SEMA3D: variants seen among roughly 807,000 people sequenced by gnomAD.
SEMA3D encodes the protein semaphorin 3D, also known as semaphorin-3D.
Under a neutral mutation model 100.1 loss-of-function variants are expected in SEMA3D, and 84 were observed. That is an observed-to-expected ratio of 0.84 (90% CI 0.70 to 1.01). The LOEUF is 1.01. Ranked by LOEUF, SEMA3D falls within the 50% of genes least tolerant of loss-of-function variation. SEMA3D has a pLI of 0.00. For synonymous variants in SEMA3D, 312 were observed against 320.7 expected (o/e 0.97, Z 0.29); for missense variants, 875 against 934.1 (o/e 0.94, Z 0.82).
At chr7:85,126,905 T>C (rs917821084) in intron 2 of SEMA3D, among the ~76,000 whole-genome samples, 1 of 152,176 alleles carries the variant, frequency 6.6e-6, no homozygotes, top group African/African-American at 2.4e-5. Flanking sequence ...CTTGGAATGC[T>C]AGAACTTTCA....
chr7:85,019,144 C>T (rs1790186223), intron 14 of SEMA3D, among the ~76,000 whole-genome samples: 1 of 151,594 alleles, frequency 6.6e-6, no homozygotes, highest in Non-Finnish European at 1.5e-5. Context: ...TCAATTATAC[C>T]TCAATAAAGC....
chr7:85,166,510 T>C (rs116174456), intron 1 of SEMA3D, among the ~76,000 whole-genome samples: 1 of 151,996 alleles, frequency 6.6e-6, no homozygotes. Flanking sequence ...GAGGTATTAC[T>C]AAGGACCAGA....
chr7:85,238,488 T>C, the SEMA3D span, among the ~76,000 whole-genome samples: 1 of 152,190 alleles, frequency 6.6e-6, no homozygotes, highest in Non-Finnish European at 1.5e-5. Flanking sequence ...CTTTGCTCTT[T>C]CGTCAAAAAT....
At chr7:85,204,219 T>C in the SEMA3D span, among the ~76,000 whole-genome samples, 7 of 152,220 alleles carry the variant, frequency 4.6e-5, no homozygotes, top group East Asian at 1.2e-3. Context: ...TAATTGACCT[T>C]TTCTGCCTTA....
intron 9 of SEMA3D, among the ~76,000 whole-genome samples, chr7:85,048,916 T>G (rs146549328): frequency 5.0e-4 from 76 of 151,894 alleles, no homozygotes; most frequent in African/African-American, 1.8e-3. Context: ...TTTGGCAACT[T>G]AAATTATAAG....
chr7:85,101,847 G>A (rs1426959358), intron 3 of SEMA3D, among the ~76,000 whole-genome samples: 7 of 151,858 alleles, frequency 4.6e-5, no homozygotes, highest in Admixed American at 3.3e-4. Context: ...ACTCTACTTT[G>A]GGCCAAATAA....
chr7:85,059,426 T>C (rs191461513), intron 8 of SEMA3D, among the ~76,000 whole-genome samples: 183 of 152,304 alleles, frequency 1.2e-3, no homozygotes, highest in African/African-American at 4.2e-3. Flanking sequence ...TTCACAAATA[T>C]GTGGGATTAC....
At chr7:85,248,623 C>A in the SEMA3D span, among the ~76,000 whole-genome samples, 1 of 151,992 alleles carries the variant, frequency 6.6e-6, no homozygotes. Context: ...TACATCTAGA[C>A]AATGGAATAT....
At position 85,042,468 on chromosome 7, in the gene SEMA3D, G is replaced by A. The variant is rs55959828; in HGVS notation, c.862-183C>T. Among the ~76,000 whole-genome samples, 344 of 152,094 alleles carry A rather than the reference G, an allele frequency of 2.3e-3. 1 individual carries two copies. The highest frequency in any genetic ancestry group is 7.6e-3 in the African/African-American group (317 of 41,502). On this transcript the variant is annotated intron_variant, in intron 9 of 18. Transcript: ENST00000284136. ...ACAGTATTAGCCCTCAATATTAAATGTTTTTCTCATAGTTAAATGAATTAA... is the reference window on the plus strand; with the variant it reads ...ACAGTATTAGCCCTCAATATTAAATATTTTTCTCATAGTTAAATGAATTAA...
At position 85,097,885 on chromosome 7, in the gene SEMA3D, C is replaced by T. The variant is rs1184618629; in HGVS notation, c.232G>A (p.Glu78Lys). The T allele has an allele frequency of 1.2e-6, 2 of 1,609,368 alleles. No individual in the cohort carries two copies. The highest frequency in any genetic ancestry group is 1.3e-5 in the African/African-American group (1 of 74,632). Residue 78 changes from glutamate (E) to lysine (K), a missense_variant, in exon 4 of 19, where the codon GAA (glutamate) becomes AAA (lysine). Physicochemically the swap from Glu to Lys is moderately conservative, Grantham distance 56. Coordinates refer to ENST00000284136, the MANE Select transcript of SEMA3D (RefSeq NM_001384900.1). ...LDFQTLLLDE[E>K]RGRLLLGAKD... Reference sequence around the variant, plus strand: ...GCTCCCAAGAGCAGCCTGCCTCTTTCCTCATCTAAGAGAAGAGTTTGAAAA... The same window carrying T: ...GCTCCCAAGAGCAGCCTGCCTCTTTTCTCATCTAAGAGAAGAGTTTGAAAA...
chr7:85,144,405 T>C, intron 2 of SEMA3D: 1 of 944,898 alleles, frequency 1.1e-6, no homozygotes, highest in Non-Finnish European at 1.3e-6. Flanking sequence ...AAGCTAGCTT[T>C]GAAACTAAAG....
chr7:85,068,082 G>T, intron 7 of SEMA3D, 109 bp downstream of exon 7: 1 of 669,756 alleles, frequency 1.5e-6, no homozygotes, highest in East Asian at 2.7e-5. Flanking sequence ...AATCGCTTGT[G>T]GAAGATTAGT....
chr7:85,248,846 C>T, the SEMA3D span, among the ~76,000 whole-genome samples: 1 of 151,892 alleles, frequency 6.6e-6, no homozygotes, highest in Admixed American at 6.6e-5. Context: ...GATGAATAGG[C>T]AGGGCATAGA....
chr7:85,025,059 C>G (rs1790355535), intron 12 of SEMA3D, among the ~76,000 whole-genome samples: 2 of 151,988 alleles, frequency 1.3e-5, no homozygotes, highest in Non-Finnish European at 2.9e-5. Flanking sequence ...AGCTATACAT[C>G]TCAGGTATTA....
At chr7:85,129,019 G>A (rs1335878531) in intron 2 of SEMA3D, among the ~76,000 whole-genome samples, 2 of 151,400 alleles carry the variant, frequency 1.3e-5, no homozygotes, top group Non-Finnish European at 2.9e-5. Flanking sequence ...GGCTTCCTGA[G>A]GAGCTGGGAT....
chr7:85,089,885 C>T (rs570784813), intron 4 of SEMA3D, among the ~76,000 whole-genome samples: 21 of 152,038 alleles, frequency 1.4e-4, no homozygotes, highest in African/African-American at 4.8e-4. Context: ...GAGTGCGAAC[C>T]TATCTCATAA....
At chr7:85,102,476 G>C (rs1343269434) in intron 3 of SEMA3D, among the ~76,000 whole-genome samples, 1 of 151,956 alleles carries the variant, frequency 6.6e-6, no homozygotes, top group Non-Finnish European at 1.5e-5. Flanking sequence ...GAAATATAGG[G>C]ACTATGTTGG....
the SEMA3D span, among the ~76,000 whole-genome samples, chr7:85,248,614 A>T: frequency 1.7e-4 from 26 of 152,290 alleles, no homozygotes; most frequent in African/African-American, 5.5e-4. Flanking sequence ...AAAACGTGAT[A>T]CATCTAGACA....
chr7:85,054,729 A>G (rs1328186568), intron 9 of SEMA3D, among the ~76,000 whole-genome samples: 1 of 152,100 alleles, frequency 6.6e-6, no homozygotes, highest in Non-Finnish European at 1.5e-5. Flanking sequence ...ATAGAAGAAA[A>G]TGAAAAGTTT....
Sources: gnomAD v4.1 joint callset for allele counts (sites outside exome capture counted in the v4.1 genomes callset) on GRCh38, gnomAD v4.1.1 for gene constraint, MANE v1.5 for transcripts, NCBI Gene and HGNC (gene_info 2026-07-23, HGNC 2026-07-21) for gene names.